The following BBS9 variants were observed in gnomAD, a reference collection of about 807,000 sequenced individuals.
BBS9 encodes the protein Bardet-Biedl syndrome 9.
Under a neutral mutation model 117.7 loss-of-function variants are expected in BBS9, and 89 were observed. That is an observed-to-expected ratio of 0.76 (90% CI 0.64 to 0.90). BBS9 has a LOEUF of 0.90. Ranked by LOEUF, BBS9 falls within the 40% of genes least tolerant of loss-of-function variation. The pLI, the probability that BBS9 is intolerant of heterozygous loss-of-function variation, is 0.00. For synonymous variants in BBS9, 379 were observed against 370.9 expected, an observed-to-expected ratio of 1.02 and a Z score of -0.25; for missense variants, 982 against 1,042.2, an observed-to-expected ratio of 0.94 and a Z score of 0.80.
At chr7:33,246,798 T>G (rs1407012902) in intron 5 of BBS9, among the ~76,000 whole-genome samples, 3 of 152,134 alleles carry the variant, frequency 2.0e-5, no homozygotes, top group Admixed American at 6.5e-5. Context: ...AATACGAATG[T>G]GAATATGTGT....
chr7:33,212,223 T>C (rs955239696), intron 5 of BBS9, among the ~76,000 whole-genome samples: 1 of 152,224 alleles, frequency 6.6e-6, no homozygotes, highest in African/African-American at 2.4e-5. Flanking sequence ...CCTTTGAGGC[T>C]ATTTTTTAGA....
chr7:33,590,463 T>G (rs1316556585), intron 21 of BBS9, among the ~76,000 whole-genome samples: 1 of 146,918 alleles, frequency 6.8e-6, no homozygotes, highest in Non-Finnish European at 1.5e-5. Context: ...TTTTTTGTTT[T>G]TTTTTTTTTT....
At chr7:33,144,214 C>A (rs1791989552) in intron 1 of BBS9, among the ~76,000 whole-genome samples, 1 of 152,198 alleles carries the variant, frequency 6.6e-6, no homozygotes, top group African/African-American at 2.4e-5. Context: ...TACTTTCCCA[C>A]CACATTATTT....
intron 9 of BBS9, among the ~76,000 whole-genome samples, chr7:33,306,569 TC>T (rs1400900302): frequency 1.3e-5 from 2 of 152,102 alleles, no homozygotes; most frequent in African/African-American, 4.8e-5. Flanking sequence ...TTGTATTAAA[TC>T]CGGTAAGCCA....
At chr7:33,512,800 A>C (rs1161248732) in intron 20 of BBS9, among the ~76,000 whole-genome samples, 1 of 152,176 alleles carries the variant, frequency 6.6e-6, no homozygotes, top group Non-Finnish European at 1.5e-5. Context: ...TGTCTCCCTG[A>C]ATCTCCGTGT....
intron 7 of BBS9, among the ~76,000 whole-genome samples, chr7:33,270,077 A>G (rs1799537704): frequency 6.6e-6 from 1 of 152,078 alleles, no homozygotes; most frequent in Non-Finnish European, 1.5e-5. Flanking sequence ...ATAAGTGAGA[A>G]AGAGCCTACT....
intron 19 of BBS9, 148 bp downstream of exon 19, chr7:33,388,292 A>C: frequency 1.0e-6 from 1 of 991,282 alleles, no homozygotes; most frequent in Non-Finnish European, 1.5e-6. Flanking sequence ...GAGTCAGAAA[A>C]ACCTAGGTTC....
chr7:33,301,467 G>T (rs1052409273), intron 9 of BBS9, among the ~76,000 whole-genome samples: 3 of 151,800 alleles, frequency 2.0e-5, no homozygotes, highest in Non-Finnish European at 4.4e-5. Flanking sequence ...TGCTCTCCAT[G>T]CGTTCAATTA....
At chr7:33,184,552 A>G (rs1225163245) in intron 5 of BBS9, among the ~76,000 whole-genome samples, 1 of 152,156 alleles carries the variant, frequency 6.6e-6, no homozygotes, top group Non-Finnish European at 1.5e-5. Flanking sequence ...CTTACTTTTT[A>G]TTAAGAGGGT....
intron 17 of BBS9, among the ~76,000 whole-genome samples, chr7:33,369,866 C>T (rs1822524924): frequency 6.6e-6 from 1 of 152,202 alleles, no homozygotes; most frequent in African/African-American, 2.4e-5. Flanking sequence ...ACAGAAAAAT[C>T]CTACAAATGA....
chr7:33,219,980 G>T (rs1257553586), intron 5 of BBS9, among the ~76,000 whole-genome samples: 1 of 152,148 alleles, frequency 6.6e-6, no homozygotes, highest in African/African-American at 2.4e-5. Flanking sequence ...CCCACCAGAA[G>T]GAAGAAACTC....
chr7:33,615,513 A>T (rs79776175), intron 21 of BBS9, among the ~76,000 whole-genome samples: 46 of 152,178 alleles, frequency 3.0e-4, no homozygotes, highest in African/African-American at 1.1e-3. Context: ...GTTTGAGGAT[A>T]TGTCAATAGA....
intron 19 of BBS9, among the ~76,000 whole-genome samples, chr7:33,460,943 G>T (rs892514579): frequency 6.6e-6 from 1 of 151,848 alleles, no homozygotes; most frequent in African/African-American, 2.4e-5. Context: ...TCTCTCTATG[G>T]ATTTATCTTT....
chr7:33,424,420 C>T (rs1279042690), intron 19 of BBS9, among the ~76,000 whole-genome samples: 1 of 152,130 alleles, frequency 6.6e-6, no homozygotes, highest in Non-Finnish European at 1.5e-5. Context: ...GATTCCTGAG[C>T]TCCACCCTTA....
chr7:33,578,458 T>G (rs2598396), intron 21 of BBS9, among the ~76,000 whole-genome samples: 2 of 152,224 alleles, frequency 1.3e-5, no homozygotes, highest in African/African-American at 4.8e-5. Context: ...CTGCTTCTTC[T>G]TTTTTCACAG....
chr7:33,554,534 A>G (rs911373778), intron 21 of BBS9, among the ~76,000 whole-genome samples: 6 of 152,228 alleles, frequency 3.9e-5, no homozygotes, highest in African/African-American at 1.4e-4. Flanking sequence ...TGTTGCCTTT[A>G]GTACCAAGGT....
At position 33,344,078 on chromosome 7, in the gene BBS9, G is replaced by GTTTTTTT. The variant is rs34530007; in HGVS notation, c.1276-484_1276-478dup. On this transcript the variant is annotated intron_variant, in intron 11 of 22. Transcript: ENST00000242067. ...CTTTTCTTTCCTTTTTAGGGGATGA[G>GTTTTTTT]TTTTTTTTTTTTTTTTTTTTTTTTT... Among the ~76,000 whole-genome samples, 18 of 67,494 alleles carry GTTTTTTT rather than the reference G, an allele frequency of 2.7e-4. 1 individual carries two copies. Among genetic ancestry groups the GTTTTTTT allele is most frequent in the African/African-American group, 8.6e-4 (13 of 15,116 alleles). The allele number at this position is 67,494 out of a possible 152,430, so 44.3% of individuals were successfully genotyped here. A position where few individuals can be genotyped will look rare whatever the true frequency, so the allele number is the denominator to read the frequency against.
rs534258099 is a variant in BBS9, at chr7:33,555,120, A to G, written c.2521+20944A>G. ...GTGTTGCTAACTTTTTTAAGTATAC[A>G]GAATATAGCCAATATAAACACTGTC... is the stretch of plus-strand genomic sequence containing the variant. On this transcript the variant is annotated intron_variant, in intron 21 of 22. Coordinates refer to ENST00000242067, the MANE Select transcript of BBS9 (RefSeq NM_198428.3). Among the ~76,000 whole-genome samples the G allele has an allele frequency of 4.6e-5, 7 of 152,334 alleles. No homozygotes were observed. In the South Asian group the frequency reaches 1.5e-3, roughly 32 times the overall value.
Position 33,280,905 on chromosome 7 carries a change from G to A in BBS9, c.1016+6949G>A, listed in dbSNP as rs201588846. Among the ~76,000 whole-genome samples the A allele has an allele frequency of 1.7e-3, 81 of 48,772 alleles. 1 individual carries two copies. In the East Asian group the frequency reaches 0.033, roughly 20 times the overall value. The allele number at this position is 48,772 out of a possible 152,430, so 32.0% of individuals were successfully genotyped here. ...GTTTAAGTTTTGCTGTTAATTTGTC[G>A]TTTTTGTTTTTTTTTTTTTTTTTTT... On this transcript the variant is annotated intron_variant, in intron 9 of 22. Transcript: ENST00000242067.
Sources: allele counts gnomAD v4.1 joint callset (sites outside exome capture counted in the v4.1 genomes callset), GRCh38; gene constraint gnomAD v4.1.1; transcripts MANE v1.5; gene names NCBI Gene and HGNC (gene_info 2026-07-23, HGNC 2026-07-21).